ENOX1: variants seen among roughly 807,000 people sequenced by gnomAD.
The protein encoded by ENOX1 is ecto-NOX disulfide-thiol exchanger 1, also known as candidate growth-related and time keeping constitutive hydroquinone (NADH) oxidase.
In ENOX1, 42 loss-of-function variants were observed where a neutral mutation model predicts 82.5. The ratio of observed to expected loss-of-function variants is 0.51; its 90% CI spans 0.40 to 0.66. ENOX1 has a LOEUF of 0.66. ENOX1 is among the 30% of genes least tolerant of loss of function. The pLI is 0.00. For synonymous variants in ENOX1, 271 were observed against 282.2 expected (o/e 0.96, Z 0.40); for missense variants, 608 against 811.6 (o/e 0.75, Z 3.05).
intron 2 of ENOX1, among the ~76,000 whole-genome samples, chr13:43,581,856 T>A (rs2080758158): frequency 6.6e-6 from 1 of 152,180 alleles, no homozygotes; most frequent in African/African-American, 2.4e-5. Context: ...ATTATTTACC[T>A]CTTTCCATTT....
At chr13:43,736,972 G>A (rs145812260) in intron 1 of ENOX1, among the ~76,000 whole-genome samples, 30 of 152,258 alleles carry the variant, frequency 2.0e-4, no homozygotes, top group African/African-American at 6.3e-4. Flanking sequence ...CAACTGAACC[G>A]GAAGATACTG....
intron 2 of ENOX1, among the ~76,000 whole-genome samples, chr13:43,584,662 A>G (rs966847148): frequency 2.0e-5 from 3 of 152,334 alleles, no homozygotes; most frequent in Admixed American, 1.3e-4. Context: ...ATGAAATACA[A>G]TGAAATGACA....
chr13:43,402,037 A>T (rs1233962354), intron 5 of ENOX1, among the ~76,000 whole-genome samples: 2 of 152,208 alleles, frequency 1.3e-5, no homozygotes, highest in African/African-American at 4.8e-5. Flanking sequence ...AGAAACAGAA[A>T]AATAAGACCT....
intron 1 of ENOX1, among the ~76,000 whole-genome samples, chr13:43,726,246 G>A (rs1367866811): frequency 2.2e-5 from 3 of 137,346 alleles, no homozygotes; most frequent in Non-Finnish European, 4.6e-5. Context: ...ATGGAGTTTC[G>A]CTCTGTTGCC....
At chr13:43,638,501 C>T (rs1273334400) in intron 2 of ENOX1, among the ~76,000 whole-genome samples, 1 of 152,106 alleles carries the variant, frequency 6.6e-6, no homozygotes, top group Non-Finnish European at 1.5e-5. Context: ...ATTTAAGAAA[C>T]TGATTCCTAA....
chr13:43,773,636 T>C (rs1456700511), intron 1 of ENOX1, among the ~76,000 whole-genome samples: 1 of 152,224 alleles, frequency 6.6e-6, no homozygotes, highest in African/African-American at 2.4e-5. Flanking sequence ...TATGAATTTA[T>C]AAATTACTCT....
Position 43,411,995 on chromosome 13 carries a change from T to C in ENOX1, c.129A>G (p.Thr43=). The C allele has an allele frequency of 1.2e-6, 2 of 1,614,190 alleles. No homozygotes were observed. Among genetic ancestry groups the C allele is most frequent in the Non-Finnish European group, 1.7e-6 (2 of 1,180,022 alleles). The change falls in exon 5 of 17, where the codon ACA becomes ACG. Residue 43 remains threonine, a synonymous_variant. Coordinates refer to ENST00000690772, the MANE Select transcript of ENOX1 (RefSeq NM_001347969.2). The stretch of plus-strand genomic sequence containing the variant: ...TGGCTGTAGCCCAGGCTGTGGGATC[T>C]GTCACGGACATGTTGAGCTGGGTCG... ...IDTTQLNMSV[T]DPTAWATAMN...
chr13:43,517,315 TG>T (rs1233695546), intron 2 of ENOX1, among the ~76,000 whole-genome samples: 1 of 152,024 alleles, frequency 6.6e-6, no homozygotes, highest in Non-Finnish European at 1.5e-5. Context: ...CTGGCCAACA[TG>T]GTGAAACCCG....
chr13:43,361,612 A>G (rs2050515758), intron 5 of ENOX1, among the ~76,000 whole-genome samples, 160 bp from the exon 6 acceptor site: 1 of 152,224 alleles, frequency 6.6e-6, no homozygotes, highest in South Asian at 2.1e-4. Flanking sequence ...CCAGAAGGGT[A>G]AAGAGAAAAA....
At chr13:43,669,002 G>A (rs559803126) in intron 1 of ENOX1, among the ~76,000 whole-genome samples, 41 of 152,248 alleles carry the variant, frequency 2.7e-4, no homozygotes, top group African/African-American at 8.9e-4. Flanking sequence ...TTAGGAACAC[G>A]TCTCTTCCCT....
In ENOX1 at chr13:43,214,779, A is replaced by G. The variant is rs1360328958; in HGVS notation, c.1801-658T>C. 2.6e-5 allele frequency among the ~76,000 whole-genome samples: 4 copies of G among 152,198 alleles called. No individual in the cohort carries two copies. In the East Asian group the frequency reaches 7.7e-4, roughly 29 times the overall value. On this transcript the variant is annotated intron_variant, in intron 16 of 16. Transcript: ENST00000690772. ...TCATTTTAAAGAACAAATCAGCCAT[A>G]ATCCCTCTGCTCTAGCACAGTGATT...
intron 11 of ENOX1, among the ~76,000 whole-genome samples, chr13:43,321,472 A>G (rs555197334): frequency 1.1e-4 from 17 of 152,288 alleles, no homozygotes; most frequent in African/African-American, 3.6e-4. Flanking sequence ...GAGCATCCTG[A>G]CCACTTTGCA....
At chr13:43,344,805 T>C (rs1233901982) in intron 8 of ENOX1, 55 bp from the exon 9 acceptor site, 6 of 1,549,606 alleles carry the variant, frequency 3.9e-6, no homozygotes, top group Non-Finnish European at 5.3e-6. Flanking sequence ...AAATACACTT[T>C]ATTCTTGTTC....
intron 3 of ENOX1, among the ~76,000 whole-genome samples, chr13:43,469,263 G>A (rs1289941955): frequency 2.6e-5 from 4 of 151,972 alleles, no homozygotes; most frequent in Non-Finnish European, 5.9e-5. Flanking sequence ...AGTTTATACC[G>A]ATTAATTTTC....
intron 2 of ENOX1, 91 bp from the exon 3 acceptor site, chr13:43,484,243 C>A: frequency 1.4e-6 from 1 of 724,618 alleles, no homozygotes; most frequent in Non-Finnish European, 1.7e-6. Flanking sequence ...GTGTTATCAG[C>A]ATGATGTTAT....
At chr13:43,615,378 C>T (rs983018850) in intron 2 of ENOX1, among the ~76,000 whole-genome samples, 4 of 152,018 alleles carry the variant, frequency 2.6e-5, no homozygotes, top group East Asian at 1.9e-4. Context: ...GTATGTGTGT[C>T]GCATACATTT....
At chr13:43,672,596 C>T (rs939304823) in intron 1 of ENOX1, among the ~76,000 whole-genome samples, 7 of 152,208 alleles carry the variant, frequency 4.6e-5, no homozygotes, top group Non-Finnish European at 8.8e-5. Context: ...GATATTTTCT[C>T]CTTCTACACC....
chr13:43,360,092 T>C, intron 6 of ENOX1, 35 bp from the exon 7 acceptor site: 2 of 1,594,750 alleles, frequency 1.3e-6, no homozygotes, highest in African/African-American at 1.3e-5. Context: ...GTTTTATCTT[T>C]CATTTATTTG....
chr13:43,324,575 T>A (rs957064261), intron 10 of ENOX1, among the ~76,000 whole-genome samples: 1 of 152,168 alleles, frequency 6.6e-6, no homozygotes, highest in African/African-American at 2.4e-5. Context: ...TTCAGCGACA[T>A]GCAAGAGAAA....
Sources: gnomAD v4.1 joint callset for allele counts (sites outside exome capture counted in the v4.1 genomes callset) on GRCh38, gnomAD v4.1.1 for gene constraint, MANE v1.5 for transcripts, NCBI Gene and HGNC (gene_info 2026-07-23, HGNC 2026-07-21) for gene names.